Variants in RASSF3 observed in about 807,000 individuals in gnomAD.
The protein encoded by RASSF3 is ras association domain-containing protein 3.
A neutral mutation model predicts 19.9 loss-of-function variants in RASSF3; 19 were observed. That is an observed-to-expected ratio of 0.96 (90% CI 0.67 to 1.40). The LOEUF (loss-of-function observed/expected upper bound fraction) is 1.40, where lower values mean the gene tolerates loss of function less well. Among genes scored for constraint, RASSF3 ranks in the 40% most tolerant of loss-of-function variants. The pLI is 0.00. For missense variants in RASSF3, 306 were observed against 289.8 expected (o/e 1.06, Z -0.41); for synonymous variants, 110 against 104.2 (o/e 1.06, Z -0.34).
chr12:64,606,207 TA>T (rs1196755238), upstream of RASSF3, among the ~76,000 whole-genome samples: 1 of 152,166 alleles, frequency 6.6e-6, no homozygotes, highest in Non-Finnish European at 1.5e-5. Context: ...TGTCCATGCC[TA>T]AAGCAATCCC....
At chr12:64,657,566 T>C (rs1328773647) in intron 1 of RASSF3, among the ~76,000 whole-genome samples, 1 of 152,212 alleles carries the variant, frequency 6.6e-6, no homozygotes. Flanking sequence ...TGGTCTTGCC[T>C]CTGTGCCTGC....
intron 1 of RASSF3, among the ~76,000 whole-genome samples, chr12:64,639,608 C>T (rs1871441224): frequency 6.6e-6 from 1 of 152,146 alleles, no homozygotes; most frequent in African/African-American, 2.4e-5. Flanking sequence ...CTGGAATGCT[C>T]CCTTTGGGTG....
intron 1 of RASSF3, among the ~76,000 whole-genome samples, chr12:64,633,648 T>G (rs546663784): frequency 6.6e-6 from 1 of 152,178 alleles, no homozygotes; most frequent in East Asian, 1.9e-4. Context: ...TTTATAGCAA[T>G]GAAGAAAAGA....
intron 1 of RASSF3, among the ~76,000 whole-genome samples, chr12:64,625,251 A>G (rs747711233): frequency 1.3e-5 from 2 of 151,982 alleles, no homozygotes; most frequent in Non-Finnish European, 2.9e-5. Flanking sequence ...GCTGCATACC[A>G]TATCACTGTG....
chr12:64,639,266 T>G (rs1464453138), intron 1 of RASSF3, among the ~76,000 whole-genome samples: 1 of 152,116 alleles, frequency 6.6e-6, no homozygotes, highest in Non-Finnish European at 1.5e-5. Flanking sequence ...TTATGTAAAG[T>G]TCCATCTAAT....
At chr12:64,514,105 T>C (rs1434094187) in intron 1 of RASSF3, among the ~76,000 whole-genome samples, 2 of 150,524 alleles carry the variant, frequency 1.3e-5, no homozygotes, top group African/African-American at 4.9e-5. Context: ...GTCAGGCTGG[T>C]CTCGAACTCC....
intron 1 of RASSF3, among the ~76,000 whole-genome samples, chr12:64,539,504 C>T (rs1211668682): frequency 2.0e-5 from 3 of 152,060 alleles, no homozygotes; most frequent in South Asian, 2.1e-4. Context: ...TGCCTGGGTG[C>T]GGTGGCTTAT....
intron 1 of RASSF3, among the ~76,000 whole-genome samples, chr12:64,675,408 C>G (rs1872861088): frequency 6.6e-6 from 1 of 152,096 alleles, no homozygotes; most frequent in Non-Finnish European, 1.5e-5. Context: ...TCTCGGCCTC[C>G]CAAAGTGCTA....
At chr12:64,650,694 C>T (rs1258993331) in intron 1 of RASSF3, among the ~76,000 whole-genome samples, 2 of 152,032 alleles carry the variant, frequency 1.3e-5, no homozygotes, top group African/African-American at 4.8e-5. Flanking sequence ...GGATTACAGG[C>T]GTGAGCCACC....
At chr12:64,617,045 G>A (rs1870577384) in intron 1 of RASSF3, among the ~76,000 whole-genome samples, 1 of 152,130 alleles carries the variant, frequency 6.6e-6, no homozygotes. Context: ...TAAATGCTTG[G>A]CACTTAAGGT....
At chr12:64,546,531 A>G (rs899819317), downstream of RASSF3, among the ~76,000 whole-genome samples, 13 of 152,186 alleles carry the variant, frequency 8.5e-5, no homozygotes, top group African/African-American at 2.7e-4. Flanking sequence ...AGGCCCCCCA[A>G]AGTGCTGGGA....
At chr12:64,576,645 A>C (rs1382072506) in intron 2 of RASSF3, among the ~76,000 whole-genome samples, 6 of 152,118 alleles carry the variant, frequency 3.9e-5, no homozygotes, top group African/African-American at 1.4e-4. Context: ...TGAGCCCAGG[A>C]GTTTGAGACC....
At chr12:64,636,703 C>T (rs1871340064) in intron 1 of RASSF3, among the ~76,000 whole-genome samples, 1 of 151,726 alleles carries the variant, frequency 6.6e-6, no homozygotes, top group Non-Finnish European at 1.5e-5. Flanking sequence ...CCTGTCTCTA[C>T]TAAAAATACA....
chr12:64,692,382 C>A (rs769387161), intron 4 of RASSF3, among the ~76,000 whole-genome samples: 3 of 152,118 alleles, frequency 2.0e-5, no homozygotes, highest in Non-Finnish European at 4.4e-5. Flanking sequence ...AATCTTTTAG[C>A]CCTCAGTTTT....
intron 2 of RASSF3, among the ~76,000 whole-genome samples, chr12:64,565,255 T>C (rs1869410102): frequency 6.6e-6 from 1 of 151,674 alleles, no homozygotes; most frequent in African/African-American, 2.4e-5. Flanking sequence ...GGAGGGTGTC[T>C]TTTTGCACCA....
chr12:64,572,036 G>A (rs1869526663), intron 2 of RASSF3, among the ~76,000 whole-genome samples: 1 of 152,116 alleles, frequency 6.6e-6, no homozygotes, highest in African/African-American at 2.4e-5. Context: ...ATTAGACCTA[G>A]TTACCTGGTT....
intron 1 of RASSF3, among the ~76,000 whole-genome samples, chr12:64,632,071 A>C (rs561516142): frequency 6.6e-6 from 1 of 152,148 alleles, no homozygotes; most frequent in Non-Finnish European, 1.5e-5. Context: ...AAATGTGTAT[A>C]TAATACAAGA....
At chr12:64,632,301 G>A (rs1054113803) in intron 1 of RASSF3, among the ~76,000 whole-genome samples, 1 of 152,030 alleles carries the variant, frequency 6.6e-6, no homozygotes, top group African/African-American at 2.4e-5. Context: ...AGGGAGGGTT[G>A]GCAGGCTCTG....
Position 64,566,308 on chromosome 12 carries a change from C to T in RASSF3, c.294+24603C>T, listed in dbSNP as rs1298530875. On this transcript the variant is annotated intron_variant, in intron 2 of 5. Transcript: ENST00000637125. Reference sequence around the variant, plus strand: ...TTCTGCTTTTATTCACCAAGGAATGCAAACCATCTTGTTTTACATTTTTTA... The same window carrying T: ...TTCTGCTTTTATTCACCAAGGAATGTAAACCATCTTGTTTTACATTTTTTA... 3.9e-5 allele frequency among the ~76,000 whole-genome samples: 6 copies of T among 152,208 alleles called. No homozygotes were observed. In the South Asian group the frequency reaches 6.2e-4, roughly 16 times the overall value.
Sources: gnomAD v4.1 joint callset for allele counts (sites outside exome capture counted in the v4.1 genomes callset) on GRCh38, gnomAD v4.1.1 for gene constraint, MANE v1.5 for transcripts, NCBI Gene and HGNC (gene_info 2026-07-23, HGNC 2026-07-21) for gene names.